Variants in EIF2S3B observed in about 807,000 individuals in gnomAD.
EIF2S3B encodes the protein eukaryotic translation initiation factor 2 subunit gamma B, also known as eukaryotic translation initiation factor 2 subunit 3B.
Under a neutral mutation model 26.4 loss-of-function variants are expected in EIF2S3B, and 16 were observed. The ratio of observed to expected loss-of-function variants is 0.61; its 90% CI spans 0.41 to 0.92. The LOEUF (loss-of-function observed/expected upper bound fraction) is 0.92. Among genes scored for constraint, EIF2S3B ranks in the 40% least tolerant of loss-of-function variants. The probability of loss-of-function intolerance (pLI) is 0.00; values close to 1 mark genes in which losing one functional copy is unlikely to be tolerated. For synonymous variants in EIF2S3B, 183 were observed against 204.4 expected (o/e 0.90, Z 0.89); for missense variants, 510 against 575.5 (o/e 0.89, Z 1.16).
Position 10,507,175 on chromosome 12 carries a change from G to C in EIF2S3B, c.1273G>C (p.Gly425Arg). 1 of 1,613,892 alleles carries C rather than the reference G, an allele frequency of 6.2e-7. No individual in the cohort carries two copies. Among genetic ancestry groups the C allele is most frequent in the Non-Finnish European group, 8.5e-7 (1 of 1,179,796 alleles). The change falls in exon 1 of 1, where the codon GGC becomes CGC. Residue 425 changes from glycine to arginine, a missense_variant. Physicochemically the swap from Gly to Arg is moderately radical, Grantham distance 125. Coordinates refer to ENST00000538173, the MANE Select transcript of EIF2S3B (RefSeq NM_001357734.3). ...GRVSAVKADL[G>R]KIVLTNPVCT... Reference sequence around the variant, plus strand: ...AGTTAGTGCTGTCAAGGCCGATTTGGGCAAAATTGTTTTGACCAATCCAGT... The same window carrying C: ...AGTTAGTGCTGTCAAGGCCGATTTGCGCAAAATTGTTTTGACCAATCCAGT...
At chr12:10,508,988 T>C (rs1048477710), downstream of EIF2S3B, among the ~76,000 whole-genome samples, 1 of 152,162 alleles carries the variant, frequency 6.6e-6, no homozygotes, top group Non-Finnish European at 1.5e-5. Flanking sequence ...ACAATACTTA[T>C]CTTCTTTGTT....
chr12:10,507,912 T>A lies in EIF2S3B; in HGVS notation c.*591T>A, dbSNP rs73060498. ...CACATCATGCAGTTTGAAATGAAAC[T>A]TTGCCACAACCAGCCTTTGCTGTAG... On this transcript the variant is annotated 3_prime_UTR_variant, in exon 1 of 1. Coordinates refer to ENST00000538173, the MANE Select transcript of EIF2S3B (RefSeq NM_001357734.3). Among the ~76,000 whole-genome samples, 16,764 of 152,248 alleles carry A rather than the reference T, an allele frequency of 0.11. 1,155 individuals carry two copies. The highest frequency in any genetic ancestry group is 0.16 in the Non-Finnish European group (11,166 of 67,996).
downstream of EIF2S3B, among the ~76,000 whole-genome samples, chr12:10,512,303 C>T (rs145486534): frequency 4.0e-3 from 608 of 152,192 alleles, 3 homozygotes; most frequent in South Asian, 0.016. Flanking sequence ...TTCTATCACT[C>T]ACCATCTCAT....
chr12:10,521,470 TA>T (rs1210089547), intron 1 of EIF2S3B, among the ~76,000 whole-genome samples: 3 of 152,160 alleles, frequency 2.0e-5, no homozygotes, highest in Non-Finnish European at 4.4e-5. Context: ...TAGCTAGTGA[TA>T]GTCTTTAGTT....
downstream of EIF2S3B, among the ~76,000 whole-genome samples, chr12:10,510,040 G>C (rs995552020): frequency 2.0e-5 from 3 of 152,048 alleles, no homozygotes; most frequent in African/African-American, 7.2e-5. Context: ...AATACAGTAA[G>C]TCATCTCTTT....
At chr12:10,514,247 C>CA (rs1242346912) in intron 1 of EIF2S3B, among the ~76,000 whole-genome samples, 1 of 23,162 alleles carries the variant, frequency 4.3e-5, no homozygotes, top group South Asian at 5.3e-3. Context: ...ATCAAAATAT[C>CA]ATTTTTTTTT....
intron 1 of EIF2S3B, among the ~76,000 whole-genome samples, chr12:10,515,565 T>C (rs1864746682): frequency 1.3e-5 from 2 of 152,050 alleles, no homozygotes. Flanking sequence ...TTGTTGGCAA[T>C]TATAATACCC....
chr12:10,505,968 C>T lies in EIF2S3B; in HGVS notation c.66C>T (p.Thr22=). The change falls in exon 1 of 1, where the codon ACC becomes ACT. Residue 22 remains threonine, a synonymous_variant. Transcript: ENST00000538173. ...QPHLSRQDLT[T]LDVTKLTPLS... is the part of the protein sequence containing the mutation. ...ACCTTTCGCGTCAGGATCTCACCAC[C>T]TTGGATGTTACCAAGTTGACGCCAC... 2 of 1,605,582 alleles carry T rather than the reference C, an allele frequency of 1.2e-6. No homozygotes were observed. The highest frequency in any genetic ancestry group is 8.5e-7 in the Non-Finnish European group (1 of 1,172,146).
chr12:10,522,646 G>A, exon 2 of EIF2S3B: 1 of 697,366 alleles, frequency 1.4e-6, no homozygotes, highest in Non-Finnish European at 2.6e-6. Context: ...TTAGAATGGG[G>A]CCCAGTTCTT....
Position 10,507,109 on chromosome 12 carries a change from G to A in EIF2S3B, c.1207G>A (p.Val403Met). Residue 403 changes from valine (V) to methionine (M), a missense_variant, in exon 1 of 1, where the codon GTG becomes ATG. Transcript: ENST00000538173. ...AKVQKLSKNE[V>M]LMVNIGSLST... ...GGTTCAAAAGCTGTCTAAGAATGAA[G>A]TGCTCATGGTGAACATAGGATCCCT... 1 of 1,613,832 alleles carries A rather than the reference G, an allele frequency of 6.2e-7. No individual in the cohort carries two copies. The highest frequency in any genetic ancestry group is 1.7e-5 in the Admixed American group (1 of 60,020).
chr12:10,515,356 T>TA (rs1222917817), intron 1 of EIF2S3B, among the ~76,000 whole-genome samples: 1 of 151,484 alleles, frequency 6.6e-6, no homozygotes, highest in East Asian at 1.9e-4. Flanking sequence ...GCTGATAATT[T>TA]AAAAAAAAAT....
At position 10,508,267 on chromosome 12, in the gene EIF2S3B, G is replaced by C. The variant is rs1565526775; in HGVS notation, c.*946G>C. On this transcript the variant is annotated 3_prime_UTR_variant, in exon 1 of 1. Transcript: ENST00000538173. ...CTTGCTCTTCCTGGCCTGAAATACG[G>C]GAAACTAGAGTCAGAAGTTATCTCC... 6.6e-6 allele frequency among the ~76,000 whole-genome samples: 1 copy of C among 152,138 alleles called. No individual in the cohort carries two copies. Among genetic ancestry groups the C allele is most frequent in the East Asian group, 1.9e-4 (1 of 5,168 alleles).
downstream of EIF2S3B, among the ~76,000 whole-genome samples, chr12:10,510,290 A>C (rs1864691740): frequency 6.6e-6 from 1 of 152,100 alleles, no homozygotes; most frequent in Non-Finnish European, 1.5e-5. Context: ...CCTCCACCAA[A>C]TGGGTCAAAT....
chr12:10,513,869 G>T (rs1421281552), intron 1 of EIF2S3B, among the ~76,000 whole-genome samples: 3 of 152,120 alleles, frequency 2.0e-5, no homozygotes, highest in Non-Finnish European at 4.4e-5. Flanking sequence ...ACAAAAATTA[G>T]CTGGGCATGG....
downstream of EIF2S3B, among the ~76,000 whole-genome samples, chr12:10,508,525 C>CAAAAAAAAAAAAA: frequency 9.5e-5 from 6 of 62,972 alleles, no homozygotes; most frequent in South Asian, 1.4e-3. Context: ...TGTTAGAAAG[C>CAAAAAAAAAAAAA]AAAAAAAAAA....
chr12:10,506,576 C>G lies in EIF2S3B; in HGVS notation c.674C>G (p.Ser225Trp), dbSNP rs1181178360. 1 of 1,597,274 alleles carries G rather than the reference C, an allele frequency of 6.3e-7. No homozygotes were observed. The highest frequency in any genetic ancestry group is 8.6e-7 in the Non-Finnish European group (1 of 1,164,766). The change falls in exon 1 of 1, where the codon TCG (serine) becomes TGG (tryptophan). Residue 225 changes from serine (S) to tryptophan (W), a missense_variant. Physicochemically the swap from Ser to Trp is radical, Grantham distance 177. Coordinates refer to ENST00000538173, the MANE Select transcript of EIF2S3B (RefSeq NM_001357734.3). ...GAGGGAGCTCCCATTATTCCAATTTCGGCTCAGCTGAAATACAATATTGAA... is the reference window on the plus strand; with the variant it reads ...GAGGGAGCTCCCATTATTCCAATTTGGGCTCAGCTGAAATACAATATTGAA... ...VAEGAPIIPI[S>W]AQLKYNIEVV...
rs868436229 is a variant in EIF2S3B, at chr12:10,518,803, G to A, written c.1309-3800G>A. ...AATACCTAGGAATCCAACTTACAAG[G>A]GATGTGAAGGACCTCTTCAAGGAGA... is the stretch of plus-strand genomic sequence containing the variant. On this transcript the variant is annotated intron_variant, in intron 1 of 1. Transcript: ENST00000322446. Among the ~76,000 whole-genome samples, 968 of 151,772 alleles carry A rather than the reference G, an allele frequency of 6.4e-3. 10 individuals are homozygous for A. Among genetic ancestry groups the A allele is most frequent in the African/African-American group, 0.022 (911 of 41,384 alleles).
At chr12:10,518,560 C>T (rs543579237) in intron 1 of EIF2S3B, among the ~76,000 whole-genome samples, 14 of 152,192 alleles carry the variant, frequency 9.2e-5, no homozygotes, top group Admixed American at 7.9e-4. Context: ...ATCCAATTTG[C>T]CAGTCTGTGT....
Position 10,506,209 on chromosome 12 carries a change from C to G in EIF2S3B, c.307C>G (p.Arg103Gly), listed in dbSNP as rs763552453. The change falls in exon 1 of 1, where the codon CGA (arginine) becomes GGA (glycine). Residue 103 changes from arginine (R) to glycine (G), a missense_variant. Transcript: ENST00000538173. Reference protein sequence around the residue: ...DPSCPRPECYRSCGSSMPDEF... With the variant: ...DPSCPRPECYGSCGSSMPDEF... ...AAGTTGCCCTCGGCCAGAATGTTAT[C>G]GATCTTGTGGGAGCAGTATGCCTGA... The G allele has an allele frequency of 1.1e-5, 18 of 1,588,694 alleles. No individual in the cohort carries two copies. The highest frequency in any genetic ancestry group is 1.7e-4 in the Middle Eastern group (1 of 6,020).
Sources: gnomAD v4.1 joint callset for allele counts (sites outside exome capture counted in the v4.1 genomes callset) on GRCh38, gnomAD v4.1.1 for gene constraint, MANE v1.5 for transcripts, NCBI Gene and HGNC (gene_info 2026-07-23, HGNC 2026-07-21) for gene names.